The following DUS2 variants were observed in gnomAD, a reference collection of about 807,000 sequenced individuals.
DUS2 encodes dihydrouridine synthase 2, also known as tRNA-dihydrouridine(20) synthase [NAD(P)+]-like.
Under a neutral mutation model 71.3 loss-of-function variants are expected in DUS2, and 52 were observed. The ratio of observed to expected loss-of-function variants is 0.73; its 90% CI spans 0.58 to 0.92. DUS2 has a LOEUF of 0.92. Ranked by LOEUF, DUS2 falls within the 40% of genes least tolerant of loss-of-function variation. The pLI is 0.00. For missense variants in DUS2, 558 were observed against 622.6 expected (o/e 0.90, Z 1.10); for synonymous variants, 204 against 227.8 (o/e 0.90, Z 0.94).
intron 3 of DUS2, among the ~76,000 whole-genome samples, chr16:68,041,715 G>A (rs771199862): frequency 2.0e-5 from 3 of 150,408 alleles, no homozygotes; most frequent in Non-Finnish European, 4.4e-5. Context: ...GGGAGGTTGA[G>A]ACAAGAGAAT....
intron 3 of DUS2, among the ~76,000 whole-genome samples, chr16:68,041,983 A>G (rs540046252): frequency 1.3e-5 from 2 of 152,230 alleles, no homozygotes; most frequent in South Asian, 2.1e-4. Flanking sequence ...TCATCTTGTG[A>G]AACGGAAACC....
rs1163114600 is a variant in DUS2, at chr16:68,025,495, G to C, written c.-19+1G>C. ...CTGAAGTATCAGAACAAAATAATAG[G>C]TATGTATATGCATTTGGGTTTTTGG... On this transcript the variant is annotated splice_donor_variant, in intron 2 of 16. Transcript: ENST00000565263. LOFTEE classifies it low-confidence loss of function (5UTR_SPLICE). The C allele has an allele frequency of 6.6e-6, 1 of 152,134 alleles. No homozygotes were observed. Among genetic ancestry groups the C allele is most frequent in the Non-Finnish European group, 1.5e-5 (1 of 68,032 alleles). The allele number at this position is 152,134 out of a possible 1,614,324, so 9.4% of individuals were successfully genotyped here. A position where few individuals can be genotyped will look rare whatever the true frequency, so the allele number is the denominator to read the frequency against.
chr16:68,038,812 G>A (rs1255342751), intron 3 of DUS2, among the ~76,000 whole-genome samples: 1 of 151,648 alleles, frequency 6.6e-6, no homozygotes, highest in African/African-American at 2.4e-5. Flanking sequence ...ACTTTGGGAG[G>A]CCAAGGCAGG....
chr16:68,050,424 C>A (rs2033762580), intron 4 of DUS2, among the ~76,000 whole-genome samples: 1 of 152,138 alleles, frequency 6.6e-6, no homozygotes, highest in Non-Finnish European at 1.5e-5. Context: ...GTGTGAGCCA[C>A]CATGCCTGGC....
At chr16:68,040,850 G>A (rs1424569891) in intron 3 of DUS2, among the ~76,000 whole-genome samples, 1 of 152,084 alleles carries the variant, frequency 6.6e-6, no homozygotes, top group Non-Finnish European at 1.5e-5. Flanking sequence ...GATGTGAGGT[G>A]GCCCATCTGT....
chr16:68,055,663 A>G (rs1033976937), intron 6 of DUS2, among the ~76,000 whole-genome samples: 3 of 152,008 alleles, frequency 2.0e-5, no homozygotes, highest in African/African-American at 7.3e-5. Flanking sequence ...TAATGCCTGT[A>G]AATGTCTTTG....
Position 68,079,060 on chromosome 16 carries a change from G to C in DUS2, c.*74G>C. On this transcript the variant is annotated 3_prime_UTR_variant, in exon 17 of 17. Coordinates refer to ENST00000565263, the MANE Select transcript of DUS2 (RefSeq NM_017803.5). ...GCTGTGGATGCCACAGCATGAACCA[G>C]ATGCCGTTGAACAGTTTGCTGGTCT... 1 of 1,315,660 alleles carries C rather than the reference G, an allele frequency of 7.6e-7. No individual in the cohort carries two copies. The highest frequency in any genetic ancestry group is 1.5e-5 in the African/African-American group (1 of 67,832). 81.5% of individuals were successfully genotyped at this position (1,315,660 alleles called of 1,614,324 possible).
chr16:68,075,595 GTCAAACGTAGGGACCACAGGTC>G (rs2034146142), intron 14 of DUS2, 91 bp downstream of exon 14: 9 of 1,300,202 alleles, frequency 6.9e-6, no homozygotes, highest in Non-Finnish European at 9.3e-6. Flanking sequence ...TGTGCTTAAT[GTCAAACGTAGGGACCACAGGTC>G]TTGTTGGTTT....
chr16:68,078,570 C>T, intron 16 of DUS2, 52 bp downstream of exon 16: 4 of 1,583,332 alleles, frequency 2.5e-6, no homozygotes, highest in Non-Finnish European at 2.6e-6. Flanking sequence ...GGAGAGTGGG[C>T]ATTCTGCCCA....
chr16:68,063,132 A>C (rs1226712455), intron 8 of DUS2, among the ~76,000 whole-genome samples: 1 of 152,368 alleles, frequency 6.6e-6, no homozygotes, highest in African/African-American at 2.4e-5. Context: ...CAGCAGAGAT[A>C]CACTCAACCT....
intron 10 of DUS2, 91 bp from the exon 11 acceptor site, chr16:68,070,043 G>A: frequency 8.6e-7 from 1 of 1,160,394 alleles, no homozygotes; most frequent in African/African-American, 1.5e-5. Context: ...GTTCAGTGGG[G>A]AGGACAGTAA....
At chr16:68,053,475 T>C in intron 4 of DUS2, 89 bp from the exon 5 acceptor site, 1 of 1,231,762 alleles carries the variant, frequency 8.1e-7, no homozygotes, top group Non-Finnish European at 1.2e-6. Flanking sequence ...TTGAAGCTTA[T>C]ACTCTGGCTG....
At chr16:68,061,798 C>G (rs543202433) in intron 8 of DUS2, among the ~76,000 whole-genome samples, 1 of 152,286 alleles carries the variant, frequency 6.6e-6, no homozygotes, top group East Asian at 1.9e-4. Context: ...TTCCCAGAGG[C>G]TAGAGCGACT....
At chr16:68,046,344 G>C (rs1270563280) in intron 3 of DUS2, among the ~76,000 whole-genome samples, 2 of 152,100 alleles carry the variant, frequency 1.3e-5, no homozygotes, top group Admixed American at 1.3e-4. Flanking sequence ...ACGGCTGCCA[G>C]CTGCATCTAT....
At chr16:68,067,642 C>T (rs979922391) in intron 10 of DUS2, among the ~76,000 whole-genome samples, 1 of 151,716 alleles carries the variant, frequency 6.6e-6, no homozygotes, top group South Asian at 2.1e-4. Flanking sequence ...AGACAGACTG[C>T]TTTGTTTATG....
chr16:68,074,277 T>A, intron 13 of DUS2, 122 bp downstream of exon 13: 1 of 1,283,254 alleles, frequency 7.8e-7, no homozygotes. Flanking sequence ...TGTAGAGGAG[T>A]GGAGTGATGG....
At chr16:68,027,596 T>C (rs1486450393) in intron 2 of DUS2, among the ~76,000 whole-genome samples, 2 of 152,252 alleles carry the variant, frequency 1.3e-5, no homozygotes, top group Non-Finnish European at 2.9e-5. Context: ...TGCCAGATTG[T>C]ATGCTCTCTG....
chr16:68,078,486 C>G lies in DUS2; in HGVS notation c.1212C>G (p.Thr404=), dbSNP rs780076047. 1 of 1,613,994 alleles carries G rather than the reference C, an allele frequency of 6.2e-7. No individual in the cohort carries two copies. The highest frequency in any genetic ancestry group is 1.3e-5 in the African/African-American group (1 of 74,928). The change falls in exon 16 of 17, where the codon ACC becomes ACG. Residue 404 remains threonine, a synonymous_variant. Coordinates refer to ENST00000565263, the MANE Select transcript of DUS2 (RefSeq NM_017803.5). ...ATCGCCTGTTCTCCTCTATTGTCAC[C>G]GTTGCTGAACAAAAGTATCAGTCTA... ...PLDRLFSSIV[T]VAEQKYQSTL...
At chr16:68,075,837 A>G (rs1696185093) in intron 14 of DUS2, among the ~76,000 whole-genome samples, 2 of 152,168 alleles carry the variant, frequency 1.3e-5, no homozygotes, top group South Asian at 2.1e-4. Flanking sequence ...AAGCTCCTCA[A>G]ACAACAGCAG....
Sources: allele counts gnomAD v4.1 joint callset (sites outside exome capture counted in the v4.1 genomes callset), GRCh38; gene constraint gnomAD v4.1.1; transcripts MANE v1.5; gene names NCBI Gene and HGNC (gene_info 2026-07-23, HGNC 2026-07-21).